The following GMPPB variants were observed in gnomAD, a reference collection of about 807,000 sequenced individuals.
The protein encoded by GMPPB is mannose-1-phosphate guanylyltransferase catalytic subunit beta.
GMPPB carries 38 observed loss-of-function variants against 40.3 expected under a neutral mutation model. The observed-to-expected ratio is 0.94, with a 90% CI of 0.73 to 1.24. The LOEUF is 1.24. Among genes scored for constraint, GMPPB ranks in the 50% most tolerant of loss-of-function variants. The probability of loss-of-function intolerance (pLI) is 0.00; values close to 1 mark genes in which losing one functional copy is unlikely to be tolerated. For synonymous variants in GMPPB, 193 were observed against 191.8 expected (o/e 1.01, Z -0.05); for missense variants, 436 against 487.1 (o/e 0.90, Z 0.99).
At position 49,720,363 on chromosome 3, in the gene GMPPB, G is replaced by A; in HGVS notation, c.*1389C>T. On this transcript the variant is annotated 3_prime_UTR_variant, in exon 9 of 9. Coordinates refer to ENST00000308388, the MANE Select transcript of GMPPB (RefSeq NM_021971.4). The stretch of plus-strand genomic sequence containing the variant: ...CTGTGTGGCACCTTACTAGAATACA[G>A]GACTTGGGGTTTGGGAAGCAGGGAG... The A allele has an allele frequency of 1.4e-6, 1 of 719,854 alleles. No homozygotes were observed. Among genetic ancestry groups the A allele is most frequent in the Non-Finnish European group, 2.1e-6 (1 of 478,390 alleles). 44.6% of individuals were successfully genotyped at this position (719,854 alleles called of 1,614,324 possible).
chr3:49,723,356 G>A, intron 2 of GMPPB, 36 bp downstream of exon 2: 2 of 1,614,084 alleles, frequency 1.2e-6, no homozygotes, highest in East Asian at 2.2e-5. Context: ...AAGTTGGGCG[G>A]GGACCGAGAA....
In GMPPB at chr3:49,723,266, G is replaced by C. The variant is rs2080451480; in HGVS notation, c.247C>G (p.Pro83Ala). ...TGCCTCTACTGACCTGTCCCCAAAG[G>C]CTCCTCTTCATGGGACATGGAGATT... ...IRISMSHEEE[P>A]LGTAGPLALA... Residue 83 changes from proline (P) to alanine (A), a missense_variant, in exon 3 of 9, where the codon CCT (proline) becomes GCT (alanine). Coordinates refer to ENST00000308388, the MANE Select transcript of GMPPB (RefSeq NM_021971.4). 1 of 1,614,102 alleles carries C rather than the reference G, an allele frequency of 6.2e-7. No individual in the cohort carries two copies. The highest frequency in any genetic ancestry group is 1.1e-5 in the South Asian group (1 of 91,078).
rs755193049 is a variant in GMPPB, at chr3:49,721,481, T to C, written c.*271A>G. 14 of 946,394 alleles carry C rather than the reference T, an allele frequency of 1.5e-5. No individual in the cohort carries two copies. Among genetic ancestry groups the C allele is most frequent in the Non-Finnish European group, 2.2e-5 (13 of 582,818 alleles). The allele number at this position is 946,394 out of a possible 1,614,324, so 58.6% of individuals were successfully genotyped here. On this transcript the variant is annotated 3_prime_UTR_variant, in exon 9 of 9. Coordinates refer to ENST00000308388, the MANE Select transcript of GMPPB (RefSeq NM_021971.4). ...GCCATGGCCCTAATTGTGCCTGAGC[T>C]TGACTTTCAGTCAGGGCCACAGTGA... is the stretch of plus-strand genomic sequence containing the variant.
Position 49,722,766 on chromosome 3 carries a change from G to A in GMPPB, c.403-12C>T. 6.2e-7 allele frequency: 1 copy of A among 1,607,156 alleles called. No individual in the cohort carries two copies. The highest frequency in any genetic ancestry group is 1.1e-5 in the South Asian group (1 of 90,066). On this transcript the variant is annotated splice_polypyrimidine_tract_variant and intron_variant, in intron 4 of 8. Coordinates refer to ENST00000308388, the MANE Select transcript of GMPPB (RefSeq NM_021971.4). ...TCCACCTTGGTCACCTGAATGCAAG[G>A]AAGGGGACCTCGGACCTAGTCCAGT...
At position 49,720,500 on chromosome 3, in the gene GMPPB, C is replaced by A; in HGVS notation, c.*1252G>T. ...AGCCTTCTGACTGCCCTTGCACCCT[C>A]CCCTACCTAGGAGAGAGCAAGCCAC... On this transcript the variant is annotated 3_prime_UTR_variant, in exon 9 of 9. Transcript: ENST00000308388. 6 of 1,551,844 alleles carry A rather than the reference C, an allele frequency of 3.9e-6. No homozygotes were observed. The highest frequency in any genetic ancestry group is 5.2e-6 in the Non-Finnish European group (6 of 1,147,220).
Position 49,721,711 on chromosome 3 carries a change from T to A in GMPPB, c.*41A>T. 6.4e-7 allele frequency: 1 copy of A among 1,558,512 alleles called. No individual in the cohort carries two copies. The highest frequency in any genetic ancestry group is 1.2e-5 in the South Asian group (1 of 84,186). Reference sequence around the variant, plus strand: ...TGTGTCAGGCCAGCACTCCCCTTGCTGATGGGAAAACCGGGGCTCGGCCAG... The same window carrying A: ...TGTGTCAGGCCAGCACTCCCCTTGCAGATGGGAAAACCGGGGCTCGGCCAG... On this transcript the variant is annotated 3_prime_UTR_variant, in exon 9 of 9. Transcript: ENST00000308388.
chr3:49,720,370 G>T lies in GMPPB; in HGVS notation c.*1382C>A. On this transcript the variant is annotated 3_prime_UTR_variant, in exon 9 of 9. Transcript: ENST00000308388. ...GCACCTTACTAGAATACAGGACTTG[G>T]GGTTTGGGAAGCAGGGAGACGGAAA... 1.3e-6 allele frequency: 1 copy of T among 798,776 alleles called. No individual in the cohort carries two copies. Among genetic ancestry groups the T allele is most frequent in the Non-Finnish European group, 1.8e-6 (1 of 547,504 alleles). 49.5% of individuals were successfully genotyped at this position (798,776 alleles called of 1,614,324 possible).
At position 49,723,083 on chromosome 3, in the gene GMPPB, G is replaced by GAGT. The variant is rs777323266; in HGVS notation, c.288_290dup (p.Leu97dup). On this transcript the variant is annotated inframe_insertion, in exon 4 of 9. Coordinates refer to ENST00000308388, the MANE Select transcript of GMPPB (RefSeq NM_021971.4). ...CGAAGAAAGGGTCTGCAGTCTCAGA[G>GAGT]AGTAGGTCACGGGCCAGCGCCAGGG... is the stretch of plus-strand genomic sequence containing the variant. 3 of 1,613,936 alleles carry GAGT rather than the reference G, an allele frequency of 1.9e-6. No individual in the cohort carries two copies. The East Asian group carries it at 6.7e-5, about 36-fold the overall frequency.
In GMPPB at chr3:49,721,372, T is replaced by C; in HGVS notation, c.*380A>G. ...CCAGAGCCAGGCTGGGCCCTATTTA[T>C]GAGCTCCCTTTGCCCTTCTCCTGTA... On this transcript the variant is annotated 3_prime_UTR_variant, in exon 9 of 9. Coordinates refer to ENST00000308388, the MANE Select transcript of GMPPB (RefSeq NM_021971.4). The C allele has an allele frequency of 8.1e-6, 13 of 1,603,740 alleles. No homozygotes were observed. Among genetic ancestry groups the C allele is most frequent in the African/African-American group, 1.3e-5 (1 of 74,852 alleles).
chr3:49,720,871 G>A lies in GMPPB; in HGVS notation c.*881C>T. ...GCTGGCGCACCTGACCTCTGCATCT[G>A]CCCAGGCAGCAGCTGCCTCCCTGGT... On this transcript the variant is annotated 3_prime_UTR_variant, in exon 9 of 9. Transcript: ENST00000308388. The A allele has an allele frequency of 6.2e-7, 1 of 1,614,156 alleles. No individual in the cohort carries two copies. Among genetic ancestry groups the A allele is most frequent in the South Asian group, 1.1e-5 (1 of 91,084 alleles).
intron 2 of GMPPB, 23 bp from the exon 3 acceptor site, chr3:49,723,325 G>C (rs1382554277): frequency 2.5e-6 from 4 of 1,614,112 alleles, no homozygotes; most frequent in Non-Finnish European, 3.4e-6. Flanking sequence ...GGCCCCCCCA[G>C]TCAGGTTCTA....
chr3:49,722,570 CCCA>C (rs758943375), intron 5 of GMPPB, 23 bp downstream of exon 5: 3 of 1,613,124 alleles, frequency 1.9e-6, no homozygotes, highest in African/African-American at 1.3e-5. Context: ...CCCACCCCAG[CCCA>C]CCAACAGCTG....
intron 1 of GMPPB, 34 bp from the exon 2 acceptor site, chr3:49,723,506 C>G (rs994568789): frequency 6.2e-7 from 1 of 1,612,426 alleles, no homozygotes. Flanking sequence ...CGGGCTCAGT[C>G]AGAAGGTACG....
At position 49,723,440 on chromosome 3, in the gene GMPPB, G is replaced by C. The variant is rs756463595; in HGVS notation, c.162C>G (p.Ser54Arg). 10 of 1,613,932 alleles carry C rather than the reference G, an allele frequency of 6.2e-6. No individual in the cohort carries two copies. Among genetic ancestry groups the C allele is most frequent in the Non-Finnish European group, 6.8e-6 (8 of 1,180,048 alleles). ...CCTTCTCCAGCACCTGCGACATGTA[G>C]CTCACGGCCAGGATCACGTGGTCCA... is the stretch of plus-strand genomic sequence containing the variant. ...AGVDHVILAVSYMSQVLEKEM... is the reference protein window; with the variant it reads ...AGVDHVILAVRYMSQVLEKEM... Residue 54 changes from serine (S) to arginine (R), a missense_variant, in exon 2 of 9, where the codon AGC becomes AGG. By Grantham distance (110) the Ser-to-Arg change is moderately radical (BLOSUM62 -1). Transcript: ENST00000308388.
chr3:49,720,718 C>G lies in GMPPB; in HGVS notation c.*1034G>C, dbSNP rs1397641226. 2 of 1,604,420 alleles carry G rather than the reference C, an allele frequency of 1.2e-6. No individual in the cohort carries two copies. The highest frequency in any genetic ancestry group is 2.2e-5 in the East Asian group (1 of 44,656). On this transcript the variant is annotated 3_prime_UTR_variant, in exon 9 of 9. Coordinates refer to ENST00000308388, the MANE Select transcript of GMPPB (RefSeq NM_021971.4). ...TGGGTCGGGTCAGGAGCCTTAAGAA[C>G]AGCAAAGTCCTAGGCTGGGAATATT...
rs1559695181 is a variant in GMPPB, at chr3:49,721,223, GCTT to G, written c.*526_*528del. 3.7e-6 allele frequency: 6 copies of G among 1,614,232 alleles called. No homozygotes were observed. The highest frequency in any genetic ancestry group is 2.2e-5 in the South Asian group (2 of 91,086). ...CAGCACCTGATGAACAACAAGGACT[GCTT>G]CTTCTGCAAAACCACCATCGTGTCT... On this transcript the variant is annotated 3_prime_UTR_variant, in exon 9 of 9. Coordinates refer to ENST00000308388, the MANE Select transcript of GMPPB (RefSeq NM_021971.4).
At position 49,721,417 on chromosome 3, in the gene GMPPB, A is replaced by ACCTC. The variant is rs765696296; in HGVS notation, c.*331_*334dup. The ACCTC allele has an allele frequency of 3.6e-6, 5 of 1,386,440 alleles. No individual in the cohort carries two copies. The highest frequency in any genetic ancestry group is 5.1e-6 in the Non-Finnish European group (5 of 976,432). The allele number at this position is 1,386,440 out of a possible 1,614,324, so 85.9% of individuals were successfully genotyped here. On this transcript the variant is annotated 3_prime_UTR_variant, in exon 9 of 9. Transcript: ENST00000308388. ...CCTGTATCCCACACCACCACATCCA[A>ACCTC]CCTCCTTGCCTGCCTGTATCCTCAT...
In GMPPB at chr3:49,723,078, T is replaced by C. The variant is rs2080447511; in HGVS notation, c.296A>G (p.Glu99Gly). 6.2e-7 allele frequency: 1 copy of C among 1,613,698 alleles called. No homozygotes were observed. ...PLALARDLLS[E>G]TADPFFVLNS... ...GAGGACGAAGAAAGGGTCTGCAGTC[T>C]CAGAGAGTAGGTCACGGGCCAGCGC... The change falls in exon 4 of 9, where the codon GAG becomes GGG. Residue 99 changes from glutamate (E) to glycine (G), a missense_variant. By Grantham distance (98) the Glu-to-Gly change is moderately conservative. Coordinates refer to ENST00000308388, the MANE Select transcript of GMPPB (RefSeq NM_021971.4).
Position 49,720,926 on chromosome 3 carries a change from C to T in GMPPB, c.*826G>A, listed in dbSNP as rs1031110547. On this transcript the variant is annotated 3_prime_UTR_variant, in exon 9 of 9. Transcript: ENST00000308388. ...GGGAACACGGTGCACAGGTCCATGCCACTTGAATATGTGTGCACTCCTACA... is the reference window on the plus strand; with the variant it reads ...GGGAACACGGTGCACAGGTCCATGCTACTTGAATATGTGTGCACTCCTACA... 3 of 1,612,064 alleles carry T rather than the reference C, an allele frequency of 1.9e-6. No homozygotes were observed. Among genetic ancestry groups the T allele is most frequent in the Admixed American group, 3.3e-5 (2 of 59,996 alleles).
Sources: gnomAD v4.1 joint callset for allele counts on GRCh38, gnomAD v4.1.1 for gene constraint, MANE v1.5 for transcripts, NCBI Gene and HGNC (gene_info 2026-07-23, HGNC 2026-07-21) for gene names.